Variants in FGF13 observed in about 807,000 individuals in gnomAD.
FGF13 encodes fibroblast growth factor 13.
Under a neutral mutation model 19.5 loss-of-function variants are expected in FGF13, and 2 were observed. The observed-to-expected ratio is 0.10, with a 90% CI of 0.04 to 0.32. The LOEUF is 0.32. FGF13 is among the 10% of genes least tolerant of loss of function. The pLI, the probability that FGF13 is intolerant of heterozygous loss-of-function variation, is 1.00. For missense variants in FGF13, 113 were observed against 192.7 expected, an observed-to-expected ratio of 0.59 and a Z score of 2.45; for synonymous variants, 72 against 76.9, an observed-to-expected ratio of 0.94 and a Z score of 0.33.
intron 1 of FGF13, among the ~76,000 whole-genome samples, chrX:138,880,892 T>C (rs1173622918): frequency 4.5e-5 from 5 of 111,808 alleles, no homozygotes; most frequent in Non-Finnish European, 1.9e-5. Flanking sequence ...TTTTTCATGA[T>C]AGGGGTCTAT....
intron 1 of FGF13, among the ~76,000 whole-genome samples, chrX:139,054,914 A>G (rs190573905): frequency 0.037 from 3,665 of 100,072 alleles, 98 homozygotes; most frequent in East Asian, 0.12. Flanking sequence ...ATTGTATTGT[A>G]TTGTATTGTA....
At chrX:138,750,816 G>T (rs2090392794) in intron 3 of FGF13, among the ~76,000 whole-genome samples, 1 of 110,951 alleles carries the variant, frequency 9.0e-6, no homozygotes, top group Non-Finnish European at 1.9e-5. Context: ...TACAGTCATG[G>T]CGGGGGTGTG....
rs151065232 is a variant in FGF13, at chrX:139,021,103, G to A, written c.-112-156453C>T. On this transcript the variant is annotated intron_variant, in intron 1 of 2. Coordinates refer to the FGF13 transcript ENST00000421460. ...TTCAATTGCCAGAAGCATCTAAGAC[G>A]TTCTCCACTAAGGCCAGCAACCAAA... Among the ~76,000 whole-genome samples, 856 of 110,786 alleles carry A rather than the reference G, an allele frequency of 7.7e-3. 7 individuals are homozygous for A. The highest frequency in any genetic ancestry group is 0.027 in the African/African-American group (814 of 30,518).
intron 1 of FGF13, among the ~76,000 whole-genome samples, chrX:138,890,651 T>A (rs1168460411): frequency 8.9e-6 from 1 of 112,082 alleles, no homozygotes; most frequent in African/African-American, 3.2e-5. Flanking sequence ...TTCTTTTTGC[T>A]TACTCACTCA....
At chrX:139,076,402 T>C (rs2083332828) in intron 1 of FGF13, among the ~76,000 whole-genome samples, 1 of 111,680 alleles carries the variant, frequency 9.0e-6, no homozygotes, top group African/African-American at 3.3e-5. Flanking sequence ...TTACTTACTT[T>C]CAAGAGTATC....
At chrX:138,648,193 A>G (rs1225650180) in intron 3 of FGF13, among the ~76,000 whole-genome samples, 1 of 112,170 alleles carries the variant, frequency 8.9e-6, no homozygotes. Context: ...GATGAATCCT[A>G]CAGTTATATT....
chrX:139,083,804 G>A (rs1037060883), intron 1 of FGF13, among the ~76,000 whole-genome samples: 1 of 111,504 alleles, frequency 9.0e-6, no homozygotes, highest in Non-Finnish European at 1.9e-5. Flanking sequence ...CAGGGAGTCA[G>A]AGGTTGCAGT....
chrX:138,963,008 GA>G lies in FGF13; in HGVS notation c.-112-98359del, dbSNP rs370773877. The stretch of plus-strand genomic sequence containing the variant: ...TTAAAGTATAATAAAAAACAAAAAA[GA>G]AAAAAAAAAGTGCAGCCATCAGAAA... On this transcript the variant is annotated intron_variant, in intron 1 of 2. Transcript: ENST00000421460. 5.6e-3 allele frequency among the ~76,000 whole-genome samples: 603 copies of G among 107,347 alleles called. 3 individuals are homozygous for G. Among genetic ancestry groups the G allele is most frequent in the African/African-American group, 0.019 (558 of 29,582 alleles). 93.2% of individuals were successfully genotyped at this position (107,347 alleles called of 115,157 possible).
At chrX:138,717,700 C>CT (rs1184365031) in intron 1 of FGF13, among the ~76,000 whole-genome samples, 1 of 111,777 alleles carries the variant, frequency 8.9e-6, no homozygotes, top group Non-Finnish European at 1.9e-5. Flanking sequence ...TCTGTAACCT[C>CT]TAACTCCTGG....
chrX:139,175,842 G>C (rs1299396733), intron 1 of FGF13, among the ~76,000 whole-genome samples: 1 of 112,048 alleles, frequency 8.9e-6, no homozygotes, highest in Admixed American at 9.5e-5. Context: ...GTTCATCATG[G>C]ATATTGGCCT....
At chrX:138,956,866 C>A (rs1268928011) in intron 1 of FGF13, among the ~76,000 whole-genome samples, 2 of 111,498 alleles carry the variant, frequency 1.8e-5, no homozygotes, top group African/African-American at 6.5e-5. Context: ...TTGGCTAAAC[C>A]CTTGAGACTC....
chrX:138,916,374 G>C (rs2091618394), intron 1 of FGF13, among the ~76,000 whole-genome samples: 1 of 111,670 alleles, frequency 9.0e-6, no homozygotes, highest in African/African-American at 3.3e-5. Flanking sequence ...GTTTAAACTA[G>C]ATCAAAGAAG....
At chrX:138,786,590 C>A (rs1311103341) in intron 3 of FGF13, among the ~76,000 whole-genome samples, 1 of 111,601 alleles carries the variant, frequency 9.0e-6, no homozygotes, top group Non-Finnish European at 1.9e-5. Context: ...CAGAGTTTGT[C>A]AGAATTCCCC....
chrX:139,142,822 T>C (rs1421670214), intron 1 of FGF13, among the ~76,000 whole-genome samples: 1 of 112,139 alleles, frequency 8.9e-6, no homozygotes, highest in African/African-American at 3.2e-5. Context: ...ACATATCGCA[T>C]GTAACTGAAA....
At chrX:138,886,466 C>A (rs2124188187) in intron 1 of FGF13, among the ~76,000 whole-genome samples, 1 of 112,160 alleles carries the variant, frequency 8.9e-6, no homozygotes, top group East Asian at 2.8e-4. Flanking sequence ...GTTTTACTAA[C>A]TGATTCATTT....
intron 3 of FGF13, among the ~76,000 whole-genome samples, chrX:138,772,453 A>C (rs1415623715): frequency 9.1e-6 from 1 of 110,450 alleles, no homozygotes; most frequent in Non-Finnish European, 1.9e-5. Context: ...CTCTCAAATT[A>C]TGGCACACTC....
At chrX:138,928,861 C>T (rs768117834) in intron 1 of FGF13, among the ~76,000 whole-genome samples, 22 of 111,603 alleles carry the variant, frequency 2.0e-4, no homozygotes, top group African/African-American at 7.2e-4. Flanking sequence ...CATATCTTTC[C>T]AGTTTTCATT....
chrX:139,121,600 T>A, intron 1 of FGF13, among the ~76,000 whole-genome samples: 1 of 110,746 alleles, frequency 9.0e-6, no homozygotes, highest in East Asian at 2.9e-4. Context: ...GCTATTTTGC[T>A]TAGGCTGGTC....
chrX:139,169,771 T>G (rs1278775671), intron 1 of FGF13, among the ~76,000 whole-genome samples: 1 of 111,413 alleles, frequency 9.0e-6, no homozygotes, highest in African/African-American at 3.3e-5. Context: ...CCAGGATCAG[T>G]GAGAGCCTCT....
Sources: gnomAD v4.1 joint callset for allele counts (sites outside exome capture counted in the v4.1 genomes callset) on GRCh38, gnomAD v4.1.1 for gene constraint, MANE v1.5 for transcripts, NCBI Gene and HGNC (gene_info 2026-07-23, HGNC 2026-07-21) for gene names.